ELFN1: variants seen among roughly 807,000 people sequenced by gnomAD.
ELFN1 encodes protein ELFN1.
A neutral mutation model predicts 7.6 loss-of-function variants in ELFN1; 6 were observed. The observed-to-expected ratio is 0.79, with a 90% CI of 0.43 to 1.56. The LOEUF (loss-of-function observed/expected upper bound fraction) is 1.56, where lower values mean the gene tolerates loss of function less well. Among genes scored for constraint, ELFN1 ranks in the 40% most tolerant of loss-of-function variants. The pLI, the probability that ELFN1 is intolerant of heterozygous loss-of-function variation, is 0.01. For synonymous variants in ELFN1, 657 were observed against 588.1 expected (o/e 1.12, Z -1.70); for missense variants, 1,169 against 1,232.2 (o/e 0.95, Z 0.77).
At chr7:1,667,137 GA>G (rs1280850681), upstream of ELFN1, among the ~76,000 whole-genome samples, 3 of 147,744 alleles carry the variant, frequency 2.0e-5, no homozygotes, top group Non-Finnish European at 4.5e-5. This position sits in a 1 kb window ranked among gnomAD's most constrained non-coding sequence, Gnocchi z 8.2. Flanking sequence ...GCCCCCCCCC[GA>G]ACTTTTTCTC....
At chr7:1,688,978 C>T (rs1181432774) in intron 2 of ELFN1, among the ~76,000 whole-genome samples, 1 of 152,120 alleles carries the variant, frequency 6.6e-6, no homozygotes, top group Non-Finnish European at 1.5e-5. Flanking sequence ...CATAAGTCAA[C>T]AATATGTCAA....
chr7:1,671,893 C>A (rs903256287), intron 1 of ELFN1, among the ~76,000 whole-genome samples: 1 of 152,174 alleles, frequency 6.6e-6, no homozygotes, highest in Non-Finnish European at 1.5e-5. Flanking sequence ...GGTTTGGAGC[C>A]CAGCCAGGAC....
chr7:1,670,181 G>A (rs1425226699), upstream of ELFN1, among the ~76,000 whole-genome samples: 3 of 147,562 alleles, frequency 2.0e-5, no homozygotes, highest in African/African-American at 7.4e-5. This position sits in a 1 kb window ranked among gnomAD's most constrained non-coding sequence, Gnocchi z 6.4. Context: ...GAAGGGGGGC[G>A]GGAGGGGGCA....
intron 1 of ELFN1, among the ~76,000 whole-genome samples, chr7:1,685,611 G>A (rs113716058): frequency 9.3e-5 from 14 of 151,180 alleles, no homozygotes; most frequent in South Asian, 2.1e-4. Context: ...TTTCATTTCC[G>A]CAGTCATACT....
intron 2 of ELFN1, among the ~76,000 whole-genome samples, chr7:1,690,765 A>G (rs1583320740): frequency 6.7e-6 from 1 of 148,812 alleles, no homozygotes; most frequent in Admixed American, 6.7e-5. Context: ...GGGTGGGTGG[A>G]TGGATGGATG....
At chr7:1,736,212 G>C (rs930246573) in intron 3 of ELFN1, among the ~76,000 whole-genome samples, 1 of 152,150 alleles carries the variant, frequency 6.6e-6, no homozygotes, top group Non-Finnish European at 1.5e-5. Context: ...ATGATCTATC[G>C]GCAAAACATT....
chr7:1,747,009 C>G lies in ELFN1; in HGVS notation c.2413C>G (p.Gln805Glu). 6.4e-7 allele frequency: 1 copy of G among 1,565,298 alleles called. No individual in the cohort carries two copies. The highest frequency in any genetic ancestry group is 8.7e-7 in the Non-Finnish European group (1 of 1,156,028). Residue 805 changes from glutamine to glutamate, a missense_variant, in exon 4 of 4, where the codon CAG (glutamine) becomes GAG (glutamate). Gln to Glu is a conservative substitution (Grantham distance 29). Coordinates refer to ENST00000424383, the MANE Select transcript of ELFN1 (RefSeq NM_001128636.4). ...GGGCCATGCCCTGCGCAAGAAGGTT[C>G]AGTTCGCCAAAGACGAGGATCTGCA... ...AAGHALRKKV[Q>E]FAKDEDLHDI...
intron 2 of ELFN1, among the ~76,000 whole-genome samples, chr7:1,697,769 A>C (rs1270901097): frequency 6.6e-6 from 1 of 152,026 alleles, no homozygotes; most frequent in African/African-American, 2.4e-5. Context: ...ACCTGAACAG[A>C]TTTTTAAAAA....
chr7:1,739,442 C>T lies in ELFN1; in HGVS notation c.-293-4862C>T, dbSNP rs370824861. On this transcript the variant is annotated intron_variant, in intron 3 of 3. Transcript: ENST00000424383. The surrounding 1 kb of genome is among the most constrained non-coding windows in gnomAD (Gnocchi z 4.6). ...GGATGGTGAGGCAGGGAGATGCCAG[C>T]GGGGACGGGAACTTGGAGCAGCCAC... is the stretch of plus-strand genomic sequence containing the variant. 7 of 152,502 alleles carry T rather than the reference C, an allele frequency of 4.6e-5. No individual in the cohort carries two copies. The highest frequency in any genetic ancestry group is 1.2e-4 in the African/African-American group (5 of 41,366). 9.4% of individuals were successfully genotyped at this position (152,502 alleles called of 1,614,324 possible).
Position 1,745,711 on chromosome 7 carries a change from T to C in ELFN1, c.1115T>C (p.Phe372Ser), listed in dbSNP as rs764579989. 2 of 1,551,202 alleles carry C rather than the reference T, an allele frequency of 1.3e-6. No individual in the cohort carries two copies. The highest frequency in any genetic ancestry group is 2.4e-5 in the South Asian group (2 of 84,048). ...GAGGAGATCCGTCTGACCAACCTGT[T>C]CACGCTCACCAACTACACCTACTGC... Reference protein sequence around the residue: ...AQEEIRLTNLFTLTNYTYCVV... With the variant: ...AQEEIRLTNLSTLTNYTYCVV... Residue 372 changes from phenylalanine (F) to serine (S), a missense_variant, in exon 4 of 4, where the codon TTC (phenylalanine) becomes TCC (serine). Phe to Ser is a radical substitution (Grantham distance 155). Coordinates refer to ENST00000424383, the MANE Select transcript of ELFN1 (RefSeq NM_001128636.4).
intron 2 of ELFN1, chr7:1,693,986 C>T: frequency 2.7e-6 from 1 of 371,408 alleles, no homozygotes; most frequent in East Asian, 7.4e-5. Flanking sequence ...AGCAATACAG[C>T]CCTGTCTGGC....
intron 2 of ELFN1, among the ~76,000 whole-genome samples, chr7:1,688,509 G>A (rs377298652): frequency 3.0e-4 from 45 of 152,196 alleles, no homozygotes; most frequent in East Asian, 1.7e-3. Flanking sequence ...TATCTATGGC[G>A]TGAGATGTAA....
At chr7:1,704,278 C>T (rs895851953) in intron 2 of ELFN1, among the ~76,000 whole-genome samples, 15 of 152,144 alleles carry the variant, frequency 9.9e-5, no homozygotes, top group Non-Finnish European at 2.2e-4. Context: ...CGATGGAGGC[C>T]ATACTCTCCC....
At chr7:1,743,248 G>A (rs1004136166) in intron 3 of ELFN1, among the ~76,000 whole-genome samples, 3 of 152,240 alleles carry the variant, frequency 2.0e-5, no homozygotes, top group South Asian at 2.1e-4. Flanking sequence ...GGCAGATGGA[G>A]GAGGCACCGT....
rs1780575404 is a variant in ELFN1, at chr7:1,740,423, G to A, written c.-293-3881G>A. 6.6e-6 allele frequency among the ~76,000 whole-genome samples: 1 copy of A among 152,266 alleles called. No individual in the cohort carries two copies. The highest frequency in any genetic ancestry group is 1.5e-5 in the Non-Finnish European group (1 of 68,042). Reference sequence around the variant, plus strand: ...GTCTCCGCACCTGCCCTCCGTGCCAGACAGCACTCCTTTCTAGAAATGTTG... The same window carrying A: ...GTCTCCGCACCTGCCCTCCGTGCCAAACAGCACTCCTTTCTAGAAATGTTG... On this transcript the variant is annotated intron_variant, in intron 3 of 3. Coordinates refer to ENST00000424383, the MANE Select transcript of ELFN1 (RefSeq NM_001128636.4). This position sits in a 1 kb window ranked among gnomAD's most constrained non-coding sequence, Gnocchi z 5.0.
rs1780572220 is a variant in ELFN1, at chr7:1,740,313, G to C, written c.-293-3991G>C. On this transcript the variant is annotated intron_variant, in intron 3 of 3. Coordinates refer to ENST00000424383, the MANE Select transcript of ELFN1 (RefSeq NM_001128636.4). This position sits in a 1 kb window ranked among gnomAD's most constrained non-coding sequence, Gnocchi z 5.0. ...GGCCTTGTGGTCCACGCCCATACGA[G>C]CCTCTGGGTCTGAGGCAGCAAGTGT... is the stretch of plus-strand genomic sequence containing the variant. 6.6e-6 allele frequency among the ~76,000 whole-genome samples: 1 copy of C among 152,226 alleles called. No individual in the cohort carries two copies.
At chr7:1,704,129 G>C (rs1310279878) in intron 2 of ELFN1, among the ~76,000 whole-genome samples, 3 of 152,228 alleles carry the variant, frequency 2.0e-5, no homozygotes, top group Admixed American at 6.5e-5. Context: ...ATTTGCCACA[G>C]GTGCACAACC....
chr7:1,708,937 C>G (rs976661032), intron 2 of ELFN1, among the ~76,000 whole-genome samples, 154 bp from the exon 3 acceptor site: 2 of 152,208 alleles, frequency 1.3e-5, no homozygotes, highest in African/African-American at 4.8e-5. Context: ...TCCCCAGCCT[C>G]TCTGATTTGT....
At chr7:1,693,143 A>C (rs768021588) in intron 2 of ELFN1, 2 of 351,690 alleles carry the variant, frequency 5.7e-6, no homozygotes, top group Non-Finnish European at 1.1e-5. Flanking sequence ...GTGACTGCCC[A>C]TGCAGACCCC....
Sources: allele counts gnomAD v4.1 joint callset (sites outside exome capture counted in the v4.1 genomes callset), GRCh38; gene constraint gnomAD v4.1.1; non-coding constraint Gnocchi (gnomAD v3.1); transcripts MANE v1.5; gene names NCBI Gene and HGNC (gene_info 2026-07-23, HGNC 2026-07-21).